TXLNB: variants seen among roughly 807,000 people sequenced by gnomAD.
TXLNB encodes beta-taxilin.
Under a neutral mutation model 57.4 loss-of-function variants are expected in TXLNB, and 37 were observed. The ratio of observed to expected loss-of-function variants is 0.64; its 90% CI spans 0.50 to 0.85. The LOEUF (loss-of-function observed/expected upper bound fraction) is 0.85, where lower values mean the gene tolerates loss of function less well. Ranked by LOEUF, TXLNB falls within the 40% of genes least tolerant of loss-of-function variation. The pLI is 0.00. For missense variants in TXLNB, 848 were observed against 825.6 expected, an observed-to-expected ratio of 1.03 and a Z score of -0.33; for synonymous variants, 302 against 309.6, an observed-to-expected ratio of 0.98 and a Z score of 0.26.
chr6:139,166,051 A>T, the TXLNB span: 1 of 447,882 alleles, frequency 2.2e-6, no homozygotes, highest in South Asian at 4.6e-5. Context: ...CCTAAAGCTC[A>T]GGATGAAGGG....
chr6:139,203,006 T>C, the TXLNB span, among the ~76,000 whole-genome samples: 2 of 152,212 alleles, frequency 1.3e-5, no homozygotes, highest in South Asian at 2.1e-4. Flanking sequence ...ATCTCATTCA[T>C]GTTGCTGTGA....
At chr6:139,193,991 G>A in the TXLNB span, among the ~76,000 whole-genome samples, 3 of 150,260 alleles carry the variant, frequency 2.0e-5, no homozygotes, top group African/African-American at 7.3e-5. Context: ...ACAGGCGCCC[G>A]CCACCACGCC....
chr6:139,196,708 C>T, the TXLNB span, among the ~76,000 whole-genome samples: 1 of 152,030 alleles, frequency 6.6e-6, no homozygotes, highest in East Asian at 1.9e-4. Flanking sequence ...ATATATAGAA[C>T]TTATAGGAAA....
the TXLNB span, among the ~76,000 whole-genome samples, chr6:139,225,156 A>C: frequency 6.6e-6 from 1 of 152,194 alleles, no homozygotes; most frequent in Non-Finnish European, 1.5e-5. Context: ...ACTCATAGCA[A>C]ACTAGGAATA....
At chr6:139,262,097 G>A (rs891844747) in intron 5 of TXLNB, among the ~76,000 whole-genome samples, 37 of 151,646 alleles carry the variant, frequency 2.4e-4, no homozygotes, top group Admixed American at 6.6e-4. Flanking sequence ...TAGTAGAGAC[G>A]GGATTTCACT....
At chr6:139,220,481 A>T in the TXLNB span, among the ~76,000 whole-genome samples, 1 of 152,160 alleles carries the variant, frequency 6.6e-6, no homozygotes, top group East Asian at 1.9e-4. Flanking sequence ...ATCCAAAGGG[A>T]GGCAGGAGTG....
At chr6:139,185,824 T>A in the TXLNB span, among the ~76,000 whole-genome samples, 1 of 152,234 alleles carries the variant, frequency 6.6e-6, no homozygotes, top group African/African-American at 2.4e-5. Flanking sequence ...TTCTACCTGT[T>A]GTGATAGTTT....
intron 1 of TXLNB, among the ~76,000 whole-genome samples, chr6:139,290,158 G>A (rs375081910): frequency 2.6e-5 from 4 of 152,246 alleles, no homozygotes; most frequent in African/African-American, 7.2e-5. Flanking sequence ...AAGCCGAGGC[G>A]GGTGGATCCT....
At chr6:139,181,725 A>AAATC in the TXLNB span, among the ~76,000 whole-genome samples, 1 of 152,200 alleles carries the variant, frequency 6.6e-6, no homozygotes, top group African/African-American at 2.4e-5. Flanking sequence ...CTGTGTAGAC[A>AAATC]AATCAACAAC....
the TXLNB span, among the ~76,000 whole-genome samples, chr6:139,186,145 A>T: frequency 6.6e-6 from 1 of 152,248 alleles, no homozygotes; most frequent in African/African-American, 2.4e-5. Flanking sequence ...ATGCAAAAAT[A>T]TATAAATAAC....
At chr6:139,169,779 C>T in the TXLNB span, 5 of 152,204 alleles carry the variant, frequency 3.3e-5, no homozygotes, top group Non-Finnish European at 1.5e-5. Flanking sequence ...CAGAGTCTGT[C>T]TCTAGAGGCT....
chr6:139,272,104 C>G (rs961927392), intron 3 of TXLNB, among the ~76,000 whole-genome samples: 8 of 151,936 alleles, frequency 5.3e-5, no homozygotes, highest in Non-Finnish European at 1.0e-4. Flanking sequence ...GTCAGGAGAT[C>G]AAGACCATCC....
chr6:139,250,879 T>C (rs1185058689), intron 7 of TXLNB, among the ~76,000 whole-genome samples: 3 of 152,240 alleles, frequency 2.0e-5, no homozygotes, highest in Non-Finnish European at 4.4e-5. Context: ...CAGGTTTGAT[T>C]GTCTTCACTT....
the TXLNB span, among the ~76,000 whole-genome samples, chr6:139,195,243 A>G: frequency 4.6e-5 from 7 of 152,180 alleles, no homozygotes; most frequent in African/African-American, 1.7e-4. Flanking sequence ...TCCACTTTTT[A>G]AACAATTTTA....
the TXLNB span, among the ~76,000 whole-genome samples, chr6:139,170,978 CTT>C: frequency 6.6e-6 from 1 of 151,886 alleles, no homozygotes; most frequent in African/African-American, 2.4e-5. Context: ...ACAAAATTCA[CTT>C]TGTTTCTAGA....
chr6:139,271,531 A>C (rs867788371), intron 3 of TXLNB: 2 of 152,222 alleles, frequency 1.3e-5, no homozygotes, highest in African/African-American at 2.4e-5. Context: ...TTTCAAATAA[A>C]TAAGAAATAA....
downstream of TXLNB, among the ~76,000 whole-genome samples, chr6:139,236,474 A>G (rs1775837749): frequency 6.6e-6 from 1 of 152,110 alleles, no homozygotes; most frequent in African/African-American, 2.4e-5. Context: ...GTGAGTTCTC[A>G]CAGATCTGAT....
the TXLNB span, among the ~76,000 whole-genome samples, chr6:139,214,101 A>G: frequency 6.6e-6 from 1 of 152,218 alleles, no homozygotes; most frequent in East Asian, 1.9e-4. Context: ...CAATAGAAAA[A>G]GAGGGAATCC....
At chr6:139,268,714 T>G in intron 4 of TXLNB, among the ~76,000 whole-genome samples, 1 of 152,192 alleles carries the variant, frequency 6.6e-6, no homozygotes, top group Non-Finnish European at 1.5e-5. Flanking sequence ...TGAAATAATG[T>G]ATATAAAGCA....
Sources: gnomAD v4.1 joint callset for allele counts (sites outside exome capture counted in the v4.1 genomes callset) on GRCh38, gnomAD v4.1.1 for gene constraint, MANE v1.5 for transcripts, NCBI Gene and HGNC (gene_info 2026-07-23, HGNC 2026-07-21) for gene names.